Variants in TACR2 observed in about 807,000 individuals in gnomAD.
TACR2 encodes substance-K receptor.
In TACR2, 24 loss-of-function variants were observed where a neutral mutation model predicts 28.9. The observed-to-expected ratio is 0.83, with a 90% CI of 0.60 to 1.17. The LOEUF is 1.17. TACR2 is among the 50% of genes most tolerant of loss of function. The pLI, the probability that TACR2 is intolerant of heterozygous loss-of-function variation, is 0.00. For missense variants in TACR2, 487 were observed against 524.4 expected, an observed-to-expected ratio of 0.93 and a Z score of 0.70; for synonymous variants, 222 against 212.6, an observed-to-expected ratio of 1.04 and a Z score of -0.38.
chr10:69,415,643 A>G (rs1840608417), intron 1 of TACR2, among the ~76,000 whole-genome samples: 1 of 152,238 alleles, frequency 6.6e-6, no homozygotes, highest in Admixed American at 6.5e-5. Context: ...CCAGGAAAGA[A>G]CACTTCAGAA....
chr10:69,414,055 C>T (rs767368788), intron 2 of TACR2, among the ~76,000 whole-genome samples: 18 of 152,182 alleles, frequency 1.2e-4, no homozygotes, highest in Non-Finnish European at 2.2e-4. Context: ...GAACCCCAGT[C>T]GGTTCTTTAG....
At chr10:69,415,875 A>C in intron 1 of TACR2, 57 bp downstream of exon 1, 5 of 1,577,654 alleles carry the variant, frequency 3.2e-6, no homozygotes, top group Non-Finnish European at 4.3e-6. Context: ...CACCACCCTT[A>C]TCTGAGCCCC....
chr10:69,414,892 C>T, intron 2 of TACR2, 53 bp downstream of exon 2: 4 of 1,558,944 alleles, frequency 2.6e-6, no homozygotes, highest in Non-Finnish European at 3.5e-6. Context: ...CACACACACA[C>T]ACAGACTCAC....
Position 69,404,605 on chromosome 10 carries a change from G to A in TACR2, c.*221C>T. On this transcript the variant is annotated 3_prime_UTR_variant, in exon 5 of 5. Coordinates refer to ENST00000373306, the MANE Select transcript of TACR2 (RefSeq NM_001057.3). Reference sequence around the variant, plus strand: ...TGTCATGGTGGAAAGTGGAAGGGAAGTGTTGTGTGCAAAGAGATCACATGG... The same window carrying A: ...TGTCATGGTGGAAAGTGGAAGGGAAATGTTGTGTGCAAAGAGATCACATGG... The A allele has an allele frequency of 2.7e-6, 1 of 375,720 alleles. No homozygotes were observed. Among genetic ancestry groups the A allele is most frequent in the Non-Finnish European group, 4.7e-6 (1 of 211,358 alleles). 23.3% of individuals were successfully genotyped at this position (375,720 alleles called of 1,614,324 possible). A position where few individuals can be genotyped will look rare whatever the true frequency, so the allele number is the denominator to read the frequency against.
rs189120051 is a variant in TACR2 at position 69,407,342 on chromosome 10, G to A, written c.742-62C>T. On this transcript the variant is annotated intron_variant, in intron 3 of 4. Coordinates refer to ENST00000373306, the MANE Select transcript of TACR2 (RefSeq NM_001057.3). Reference sequence around the variant, plus strand: ...CAAGCCCCAGCCCCAGCCCTCCGAGGGCAGACACAGAGGACCCCTTGCACC... The same window carrying A: ...CAAGCCCCAGCCCCAGCCCTCCGAGAGCAGACACAGAGGACCCCTTGCACC... 1.6e-3 allele frequency: 2,412 copies of A among 1,522,550 alleles called. 78 individuals carry two copies. The Admixed American group carries it at 0.047, about 30-fold the overall frequency. The allele number at this position is 1,522,550 out of a possible 1,614,324, so 94.3% of individuals were successfully genotyped here. A position where few individuals can be genotyped will look rare whatever the true frequency, so the allele number is the denominator to read the frequency against.
Position 69,409,035 on chromosome 10 carries a change from G to A in TACR2, c.628C>T (p.Leu210Phe). 6.2e-7 allele frequency: 1 copy of A among 1,607,448 alleles called. No individual in the cohort carries two copies. Among genetic ancestry groups the A allele is most frequent in the Non-Finnish European group, 8.5e-7 (1 of 1,178,374 alleles). The change falls in exon 3 of 5, where the codon CTC becomes TTC. Residue 210 changes from leucine to phenylalanine, a missense_variant. Coordinates refer to ENST00000373306, the MANE Select transcript of TACR2 (RefSeq NM_001057.3). The stretch of plus-strand genomic sequence containing the variant: ...CTGTAGGCTACAAACATCACCGCGA[G>A]CGGCAGGAAGTAGATGAGGGCGATC... Reference protein sequence around the residue: ...VVIALIYFLPLAVMFVAYSVI... With the variant: ...VVIALIYFLPFAVMFVAYSVI...
chr10:69,415,186 C>T (rs1261090679), intron 1 of TACR2, 47 bp from the exon 2 acceptor site: 2 of 1,569,542 alleles, frequency 1.3e-6, no homozygotes, highest in South Asian at 1.2e-5. Context: ...CCTGTTAGCC[C>T]AGCTCCCTTT....
At position 69,411,496 on chromosome 10, in the gene TACR2, G is replaced by T. The variant is rs555860109; in HGVS notation, c.588-2421C>A. Reference sequence around the variant, plus strand: ...GACTAACAACTTAGCTACAAGGATAGAAATTATTTAGGGGTCATGCAGCCT... The same window carrying T: ...GACTAACAACTTAGCTACAAGGATATAAATTATTTAGGGGTCATGCAGCCT... On this transcript the variant is annotated intron_variant, in intron 2 of 4. Coordinates refer to ENST00000373306, the MANE Select transcript of TACR2 (RefSeq NM_001057.3). Among the ~76,000 whole-genome samples, 3 of 152,308 alleles carry T rather than the reference G, an allele frequency of 2.0e-5. No homozygotes were observed. The East Asian group carries it at 5.8e-4, about 29-fold the overall frequency.
chr10:69,411,476 A>G (rs902631341), intron 2 of TACR2, among the ~76,000 whole-genome samples: 1 of 152,186 alleles, frequency 6.6e-6, no homozygotes, highest in Non-Finnish European at 1.5e-5. Context: ...TCCAGGACTA[A>G]CAACTTAGCT....
At chr10:69,409,915 A>ATATATATATG (rs1840552449) in intron 2 of TACR2, among the ~76,000 whole-genome samples, 1 of 37,916 alleles carries the variant, frequency 2.6e-5, no homozygotes, top group Non-Finnish European at 4.9e-5. Flanking sequence ...ATATATATAT[A>ATATATATATG]TATATATATA....
intron 4 of TACR2, among the ~76,000 whole-genome samples, chr10:69,406,047 A>T (rs907839419): frequency 2.0e-5 from 3 of 152,136 alleles, no homozygotes; most frequent in Non-Finnish European, 4.4e-5. Flanking sequence ...GGAGATAGAG[A>T]GTTCTGGCCT....
chr10:69,415,847 G>A, intron 1 of TACR2, 85 bp downstream of exon 1: 2 of 1,495,196 alleles, frequency 1.3e-6, no homozygotes, highest in Non-Finnish European at 1.8e-6. Context: ...CAAACTTGCT[G>A]TGTAATCACA....
chr10:69,408,038 T>C (rs759772336), intron 3 of TACR2, among the ~76,000 whole-genome samples: 21 of 152,112 alleles, frequency 1.4e-4, no homozygotes, highest in Non-Finnish European at 2.5e-4. Context: ...GGCTACATGA[T>C]GTGGTTAACC....
intron 2 of TACR2, among the ~76,000 whole-genome samples, chr10:69,410,207 C>A (rs1463050161): frequency 6.6e-6 from 1 of 151,836 alleles, no homozygotes; most frequent in Non-Finnish European, 1.5e-5. Flanking sequence ...TGTGTTGAGG[C>A]TTTTCATTTC....
intron 2 of TACR2, among the ~76,000 whole-genome samples, chr10:69,414,679 AATAAT>A (rs895033898): frequency 6.6e-6 from 1 of 152,176 alleles, no homozygotes; most frequent in Non-Finnish European, 1.5e-5. Context: ...TGGTAAGAAT[AATAAT>A]ATAATATATA....
intron 2 of TACR2, among the ~76,000 whole-genome samples, chr10:69,409,549 C>G (rs539115181): frequency 6.6e-6 from 1 of 152,062 alleles, no homozygotes; most frequent in Admixed American, 6.5e-5. Flanking sequence ...TTTCAGTAAC[C>G]CCTCCCAACT....
intron 4 of TACR2, among the ~76,000 whole-genome samples, chr10:69,405,368 T>TA (rs200192018): frequency 0.014 from 2,175 of 151,138 alleles, 54 homozygotes; most frequent in African/African-American, 0.051. Flanking sequence ...GCATAATTAC[T>TA]AAAAAAACCA....
At chr10:69,406,934 G>A (rs2133002909) in intron 4 of TACR2, 150 bp downstream of exon 4, 1 of 744,660 alleles carries the variant, frequency 1.3e-6, no homozygotes, top group Non-Finnish European at 2.2e-6. Flanking sequence ...GGGGCTGAGT[G>A]TGAGGACGGC....
intron 1 of TACR2, among the ~76,000 whole-genome samples, chr10:69,415,628 C>A (rs188199992): frequency 6.6e-6 from 1 of 152,248 alleles, no homozygotes; most frequent in African/African-American, 2.4e-5. Flanking sequence ...AAACAAAGAT[C>A]AACTCCAGGA....
Sources: gnomAD v4.1 joint callset for allele counts (sites outside exome capture counted in the v4.1 genomes callset) on GRCh38, gnomAD v4.1.1 for gene constraint, MANE v1.5 for transcripts, NCBI Gene and HGNC (gene_info 2026-07-23, HGNC 2026-07-21) for gene names.